Variants in CALCR observed in about 807,000 individuals in gnomAD.
CALCR encodes calcitonin receptor.
A neutral mutation model predicts 59.5 loss-of-function variants in CALCR; 47 were observed. That is an observed-to-expected ratio of 0.79 (90% CI 0.63 to 1.01). The LOEUF (loss-of-function observed/expected upper bound fraction) is 1.01. Ranked by LOEUF, CALCR falls within the 50% of genes least tolerant of loss-of-function variation. CALCR has a pLI of 0.00. For synonymous variants in CALCR, 213 were observed against 211.3 expected (o/e 1.01, Z -0.07); for missense variants, 566 against 597.1 (o/e 0.95, Z 0.54).
At chr7:93,498,392 C>A (rs1462347394) in intron 2 of CALCR, among the ~76,000 whole-genome samples, 1 of 151,530 alleles carries the variant, frequency 6.6e-6, no homozygotes, top group African/African-American at 2.4e-5. Flanking sequence ...CAGAATTGTG[C>A]CATTACCCAA....
intron 3 of CALCR, among the ~76,000 whole-genome samples, chr7:93,480,993 C>T (rs1800783510): frequency 6.6e-6 from 1 of 151,476 alleles, no homozygotes; most frequent in Non-Finnish European, 1.5e-5. Flanking sequence ...CTTCAGATAA[C>T]AAAAAAAGAG....
chr7:93,453,800 C>T (rs1750007293), intron 8 of CALCR, among the ~76,000 whole-genome samples: 1 of 151,788 alleles, frequency 6.6e-6, no homozygotes, highest in South Asian at 2.1e-4. Flanking sequence ...CCTTCAAATC[C>T]GTATGAGAAA....
At chr7:93,462,158 T>C (rs2115814319) in intron 7 of CALCR, 3 of 1,021,402 alleles carry the variant, frequency 2.9e-6, no homozygotes, top group Non-Finnish European at 4.3e-6. Context: ...TTAGAGCATA[T>C]TTTAACTATT....
chr7:93,572,449 G>A (rs980468350), intron 2 of CALCR, among the ~76,000 whole-genome samples: 1 of 152,084 alleles, frequency 6.6e-6, no homozygotes, highest in African/African-American at 2.4e-5. Context: ...CTGAGCATCC[G>A]TATTTTTTGA....
intron 8 of CALCR, among the ~76,000 whole-genome samples, chr7:93,457,228 T>C (rs1196316208): frequency 6.6e-6 from 1 of 152,186 alleles, no homozygotes; most frequent in Non-Finnish European, 1.5e-5. Context: ...ACAGCAACCT[T>C]GTGAGCAATC....
At chr7:93,429,926 G>GTTTTTTTTT (rs370223680) in intron 13 of CALCR, among the ~76,000 whole-genome samples, 13 of 101,440 alleles carry the variant, frequency 1.3e-4, no homozygotes, top group African/African-American at 2.1e-4. Context: ...TTTTTTTTTT[G>GTTTTTTTTT]TTTGTTTGTT....
intron 9 of CALCR, among the ~76,000 whole-genome samples, chr7:93,440,264 T>C (rs1444063700): frequency 2.6e-5 from 4 of 152,164 alleles, no homozygotes; most frequent in Admixed American, 6.6e-5. Context: ...ACTGTCTTCA[T>C]GTGAAAAAAA....
Position 93,450,469 on chromosome 7 carries a change from G to A in CALCR, c.649-6712C>T, listed in dbSNP as rs147830603. On this transcript the variant is annotated intron_variant, in intron 8 of 13. Coordinates refer to ENST00000426151, the MANE Select transcript of CALCR (RefSeq NM_001742.4). Reference sequence around the variant, plus strand: ...ACACACAAGTATATACACAGAATCTGAGGCCCCTCTTCTCTGACTCTTTTC... The same window carrying A: ...ACACACAAGTATATACACAGAATCTAAGGCCCCTCTTCTCTGACTCTTTTC... Among the ~76,000 whole-genome samples, 262 of 152,060 alleles carry A rather than the reference G, an allele frequency of 1.7e-3. 1 individual carries two copies. Among genetic ancestry groups the A allele is most frequent in the Admixed American group, 3.3e-3 (50 of 15,246 alleles).
chr7:93,468,949 T>G, intron 6 of CALCR, 143 bp from the exon 7 acceptor site: 1 of 469,280 alleles, frequency 2.1e-6, no homozygotes, highest in Non-Finnish European at 3.7e-6. Flanking sequence ...ATATTTCAGA[T>G]AGTGAAATTA....
chr7:93,452,261 A>G (rs149212566), intron 8 of CALCR, among the ~76,000 whole-genome samples: 49 of 151,580 alleles, frequency 3.2e-4, no homozygotes, highest in African/African-American at 1.2e-3. Context: ...ATTTACTGCA[A>G]CTCCTGTTGT....
chr7:93,560,943 A>G (rs1052196745), intron 2 of CALCR, among the ~76,000 whole-genome samples: 1 of 152,174 alleles, frequency 6.6e-6, no homozygotes, highest in Non-Finnish European at 1.5e-5. Context: ...GATCATAATC[A>G]TTACAACAAT....
Position 93,437,695 on chromosome 7 carries a change from T to C in CALCR, c.930+365A>G, listed in dbSNP as rs923500786. 3.3e-5 allele frequency among the ~76,000 whole-genome samples: 5 copies of C among 152,188 alleles called. No individual in the cohort carries two copies. The East Asian group carries it at 9.6e-4, about 29-fold the overall frequency. ...TTAAGTTCACAGAACCAAAGACTTT[T>C]AGAGCTCTGGAATGTCAAAGTTTTC... is the stretch of plus-strand genomic sequence containing the variant. On this transcript the variant is annotated intron_variant, in intron 11 of 13. Coordinates refer to ENST00000426151, the MANE Select transcript of CALCR (RefSeq NM_001742.4).
At chr7:93,523,581 G>T (rs1205929812) in intron 2 of CALCR, among the ~76,000 whole-genome samples, 2 of 152,054 alleles carry the variant, frequency 1.3e-5, no homozygotes, top group East Asian at 3.9e-4. Context: ...TACCTAGTCT[G>T]AGAGTTCTTT....
chr7:93,502,023 T>C (rs1234916127), intron 2 of CALCR, among the ~76,000 whole-genome samples: 1 of 152,098 alleles, frequency 6.6e-6, no homozygotes, highest in Non-Finnish European at 1.5e-5. Context: ...ACCTAATGTT[T>C]ATCAAGAAAC....
rs1298922668 is a variant in CALCR, at chr7:93,479,509, T to A, written c.52-2A>T. On this transcript the variant is annotated splice_acceptor_variant, in intron 3 of 13. Coordinates refer to ENST00000426151, the MANE Select transcript of CALCR (RefSeq NM_001742.4). LOFTEE classifies it high-confidence loss of function. ...GGCAGGAAGAATTGGGGTTGGGTGC[T>A]GTATTAAAAAGAAAAATCAGTTACT... 6.2e-7 allele frequency: 1 copy of A among 1,609,174 alleles called. No individual in the cohort carries two copies. The highest frequency in any genetic ancestry group is 1.3e-5 in the African/African-American group (1 of 74,510).
Position 93,436,173 on chromosome 7 carries a change from GC to G in CALCR, c.931-4del, listed in dbSNP as rs556686258. ...TTGAGCAAAAAGAAGAAATTGACCTGCAAATATACGGTGTTATGAGCAAATC... is the reference window on the plus strand; with the variant it reads ...TTGAGCAAAAAGAAGAAATTGACCTGAAATATACGGTGTTATGAGCAAATC... On this transcript the variant is annotated splice_region_variant and splice_polypyrimidine_tract_variant and intron_variant, in intron 11 of 13. Coordinates refer to ENST00000426151, the MANE Select transcript of CALCR (RefSeq NM_001742.4). 7.2e-5 allele frequency: 116 copies of G among 1,610,682 alleles called. No individual in the cohort carries two copies. The African/African-American group carries it at 1.4e-3, about 19-fold the overall frequency.
Position 93,561,180 on chromosome 7 carries a change from C to A in CALCR, c.-27+13109G>T, listed in dbSNP as rs115632324. Among the ~76,000 whole-genome samples the A allele has an allele frequency of 3.9e-3, 598 of 152,242 alleles. 4 individuals are homozygous for A. The highest frequency in any genetic ancestry group is 0.013 in the African/African-American group (546 of 41,546). ...TGTTGGGTGCAGATCAAATGAGATGCTGAATGTGTAAGCACTTAGTAGGTT... is the reference window on the plus strand; with the variant it reads ...TGTTGGGTGCAGATCAAATGAGATGATGAATGTGTAAGCACTTAGTAGGTT... On this transcript the variant is annotated intron_variant, in intron 2 of 13. Transcript: ENST00000426151.
At chr7:93,531,581 T>C (rs1308702103) in intron 2 of CALCR, among the ~76,000 whole-genome samples, 2 of 152,142 alleles carry the variant, frequency 1.3e-5, no homozygotes, top group Non-Finnish European at 2.9e-5. Context: ...TATTTTTATA[T>C]ACTCCTCAAA....
At chr7:93,552,545 C>T (rs896771903) in intron 2 of CALCR, among the ~76,000 whole-genome samples, 2 of 152,142 alleles carry the variant, frequency 1.3e-5, no homozygotes, top group African/African-American at 4.8e-5. Flanking sequence ...TTTTATTCAG[C>T]ACCGTCTTTA....
Sources: gnomAD v4.1 joint callset for allele counts (sites outside exome capture counted in the v4.1 genomes callset) on GRCh38, gnomAD v4.1.1 for gene constraint, MANE v1.5 for transcripts, NCBI Gene and HGNC (gene_info 2026-07-23, HGNC 2026-07-21) for gene names.